The following MIPOL1 variants were observed in gnomAD, a reference collection of about 807,000 sequenced individuals.
MIPOL1 encodes mirror-image polydactyly 1.
MIPOL1 carries 57 observed loss-of-function variants against 60.9 expected under a neutral mutation model. That is an observed-to-expected ratio of 0.94 (90% CI 0.76 to 1.17). The LOEUF is 1.17. MIPOL1 is among the 50% of genes most tolerant of loss of function. The pLI is 0.00. For synonymous variants in MIPOL1, 179 were observed against 168.8 expected (o/e 1.06, Z -0.47); for missense variants, 551 against 511.6 (o/e 1.08, Z -0.74).
intron 1 of MIPOL1, among the ~76,000 whole-genome samples, chr14:37,230,339 A>G (rs61988304): frequency 0.26 from 39,372 of 152,168 alleles, 5,245 homozygotes; most frequent in South Asian, 0.33. Context: ...AAAGGTCAAC[A>G]AAGTGTTGAG....
intron 11 of MIPOL1, among the ~76,000 whole-genome samples, chr14:37,459,654 C>T (rs1026393331): frequency 1.2e-4 from 18 of 152,166 alleles, no homozygotes; most frequent in Admixed American, 1.3e-4. Context: ...AGGGATTTCT[C>T]CCTAACCCGT....
intron 9 of MIPOL1, among the ~76,000 whole-genome samples, chr14:37,361,701 G>A (rs900101626): frequency 1.5e-5 from 2 of 132,278 alleles, no homozygotes; most frequent in African/African-American, 5.7e-5. Flanking sequence ...CGCCTTCCCC[G>A]GGTTCATGCC....
chr14:37,248,026 A>G, intron 3 of MIPOL1, 119 bp downstream of exon 3: 1 of 883,656 alleles, frequency 1.1e-6, no homozygotes, highest in Non-Finnish European at 1.8e-6. Context: ...GCGCACACAC[A>G]CACACAAAAC....
chr14:37,270,244 A>G (rs1041187245), intron 5 of MIPOL1, among the ~76,000 whole-genome samples, 176 bp from the exon 6 acceptor site: 1 of 152,324 alleles, frequency 6.6e-6, no homozygotes, highest in Non-Finnish European at 1.5e-5. Context: ...CTGTATAACT[A>G]CAGGTAATTA....
intron 1 of MIPOL1, among the ~76,000 whole-genome samples, chr14:37,233,569 T>C (rs1484016440): frequency 6.6e-6 from 1 of 152,158 alleles, no homozygotes; most frequent in Non-Finnish European, 1.5e-5. Context: ...CATCATTAGC[T>C]GACGAAAAAT....
At chr14:37,338,130 G>A (rs1448204637) in intron 9 of MIPOL1, among the ~76,000 whole-genome samples, 199 of 128,766 alleles carry the variant, frequency 1.5e-3, no homozygotes, top group African/African-American at 5.2e-3. Context: ...TTTTTGAGAC[G>A]GAGTCTCGCT....
intron 12 of MIPOL1, among the ~76,000 whole-genome samples, chr14:37,513,179 T>C (rs950360131): frequency 3.3e-5 from 5 of 152,164 alleles, no homozygotes; most frequent in African/African-American, 1.2e-4. Flanking sequence ...TTTAATATTC[T>C]GAATTTGTGA....
chr14:37,438,779 A>G (rs926758970), intron 11 of MIPOL1, among the ~76,000 whole-genome samples: 3 of 152,216 alleles, frequency 2.0e-5, no homozygotes, highest in Non-Finnish European at 2.9e-5. Context: ...TTATAAATAC[A>G]CGCCCTTTGA....
chr14:37,326,905 C>T (rs954982424), intron 9 of MIPOL1, among the ~76,000 whole-genome samples: 1 of 151,978 alleles, frequency 6.6e-6, no homozygotes, highest in Admixed American at 6.6e-5. Flanking sequence ...TGTAAATTAT[C>T]TTTAAGATAA....
intron 3 of MIPOL1, among the ~76,000 whole-genome samples, chr14:37,251,983 A>G (rs1364814759): frequency 6.6e-6 from 1 of 151,828 alleles, no homozygotes; most frequent in African/African-American, 2.4e-5. Context: ...AAAGGTTACA[A>G]AAGGTTACTG....
chr14:37,492,581 A>G (rs2095061003), intron 11 of MIPOL1, among the ~76,000 whole-genome samples: 1 of 152,200 alleles, frequency 6.6e-6, no homozygotes, highest in African/African-American at 2.4e-5. Flanking sequence ...TATGTAGATC[A>G]CCTCATTTCA....
At chr14:37,458,693 C>T (rs932603444) in intron 11 of MIPOL1, among the ~76,000 whole-genome samples, 4 of 151,584 alleles carry the variant, frequency 2.6e-5, no homozygotes, top group African/African-American at 4.8e-5. Context: ...CACACAGACA[C>T]ACACACACTT....
intron 10 of MIPOL1, among the ~76,000 whole-genome samples, chr14:37,389,870 A>G (rs1354840605): frequency 6.6e-6 from 1 of 151,830 alleles, no homozygotes. Context: ...AAACAAACAA[A>G]AAGTCTGAAA....
At chr14:37,516,200 G>A (rs1372449130) in intron 12 of MIPOL1, among the ~76,000 whole-genome samples, 3 of 152,188 alleles carry the variant, frequency 2.0e-5, no homozygotes, top group African/African-American at 4.8e-5. Context: ...TAAAGATGTG[G>A]TGTTCATTTT....
chr14:37,319,707 G>C (rs2088340370), intron 9 of MIPOL1, among the ~76,000 whole-genome samples: 1 of 152,128 alleles, frequency 6.6e-6, no homozygotes, highest in Non-Finnish European at 1.5e-5. Flanking sequence ...TGAAGGATTT[G>C]ATGAATTTTT....
intron 9 of MIPOL1, among the ~76,000 whole-genome samples, chr14:37,308,815 C>G (rs2087018352): frequency 6.6e-6 from 1 of 152,024 alleles, no homozygotes; most frequent in African/African-American, 2.4e-5. Context: ...CAACTAATCA[C>G]TTTTATATGG....
At chr14:37,344,267 A>G (rs1389710109) in intron 9 of MIPOL1, among the ~76,000 whole-genome samples, 1 of 152,026 alleles carries the variant, frequency 6.6e-6, no homozygotes, top group Non-Finnish European at 1.5e-5. Flanking sequence ...CTGTCTTTTA[A>G]TTTATAGATT....
intron 11 of MIPOL1, among the ~76,000 whole-genome samples, chr14:37,430,445 C>CTA (rs927310660): frequency 2.0e-5 from 3 of 150,578 alleles, no homozygotes; most frequent in Non-Finnish European, 4.4e-5. Flanking sequence ...GTTCAAGTCA[C>CTA]TATATATATA....
intron 10 of MIPOL1, among the ~76,000 whole-genome samples, chr14:37,395,956 A>G (rs897309701): frequency 6.6e-6 from 1 of 152,084 alleles, no homozygotes; most frequent in African/African-American, 2.4e-5. Context: ...ATTCTTATTC[A>G]TTCTGTGGTT....
Sources: allele counts gnomAD v4.1 joint callset (sites outside exome capture counted in the v4.1 genomes callset), GRCh38; gene constraint gnomAD v4.1.1; transcripts MANE v1.5; gene names NCBI Gene and HGNC (gene_info 2026-07-23, HGNC 2026-07-21).